Variants in MTOR observed in about 807,000 individuals in gnomAD.
The protein encoded by MTOR is mechanistic target of rapamycin kinase, also known as serine/threonine-protein kinase mTOR.
In MTOR, 70 loss-of-function variants were observed where a neutral mutation model predicts 319.8. The observed-to-expected ratio is 0.22, with a 90% confidence interval of 0.18 to 0.27. The LOEUF is 0.27. Ranked by LOEUF, MTOR falls within the 10% of genes least tolerant of loss-of-function variation. MTOR has a pLI of 1.00. For missense variants in MTOR, 1,890 were observed against 3,274.4 expected (o/e 0.58, Z 10.32); for synonymous variants, 1,183 against 1,211.4 (o/e 0.98, Z 0.49).
At chr1:11,243,619 T>C (rs769380613) in intron 8 of MTOR, among the ~76,000 whole-genome samples, 26 of 150,908 alleles carry the variant, frequency 1.7e-4, no homozygotes, top group Non-Finnish European at 2.8e-4. Context: ...GCCCAGATGG[T>C]TGAGGCTGCA....
chr1:11,239,776 G>A (rs942035417), intron 11 of MTOR, among the ~76,000 whole-genome samples: 29 of 151,990 alleles, frequency 1.9e-4, no homozygotes, highest in African/African-American at 5.3e-4. Flanking sequence ...GTGGTGACAC[G>A]CGCCTATAGT....
rs149505126 is a variant in MTOR, at chr1:11,145,170, C to A, written c.4687-125G>T. On this transcript the variant is annotated intron_variant, in intron 32 of 57. Coordinates refer to ENST00000361445, the MANE Select transcript of MTOR (RefSeq NM_004958.4). ...AATTCCAGGGATGAAAAGAGAAATT[C>A]GCTGAAGAAGGGCATTTTCCCAGAA... The A allele has an allele frequency of 4.9e-6, 4 of 821,028 alleles. No individual in the cohort carries two copies. In the African/African-American group the frequency reaches 5.1e-5, roughly 11 times the overall value. 50.9% of individuals were successfully genotyped at this position (821,028 alleles called of 1,614,324 possible).
At chr1:11,126,116 C>T (rs937632709) in intron 46 of MTOR, among the ~76,000 whole-genome samples, 4 of 151,536 alleles carry the variant, frequency 2.6e-5, no homozygotes, top group African/African-American at 7.3e-5. Context: ...ACTAAAACAT[C>T]CCCCATAAGT....
intron 53 of MTOR, among the ~76,000 whole-genome samples, chr1:11,113,784 G>A (rs1346420291): frequency 2.0e-5 from 3 of 151,868 alleles, no homozygotes; most frequent in African/African-American, 4.8e-5. Context: ...ACCTTAATAT[G>A]GTTTGGCTGT....
intron 2 of MTOR, 131 bp from the exon 3 acceptor site, chr1:11,258,724 G>A: frequency 1.6e-6 from 1 of 629,800 alleles, no homozygotes; most frequent in Non-Finnish European, 2.8e-6. Flanking sequence ...ACAAGTTACT[G>A]CCCATTTCTA....
At chr1:11,171,293 T>A (rs1040012973) in intron 28 of MTOR, among the ~76,000 whole-genome samples, 1 of 152,040 alleles carries the variant, frequency 6.6e-6, no homozygotes, top group Non-Finnish European at 1.5e-5. Flanking sequence ...CTTTCTTTCT[T>A]TTTTAAAGAG....
chr1:11,194,649 G>A (rs1645708235), intron 28 of MTOR: 1 of 1,614,166 alleles, frequency 6.2e-7, no homozygotes. Context: ...AGTGTGCACA[G>A]CTCCGCAAAG....
chr1:11,174,411 TCA>T lies in MTOR; in HGVS notation c.4254-6896_4254-6895del, dbSNP rs539389312. Among the ~76,000 whole-genome samples the T allele has an allele frequency of 2.8e-3, 422 of 152,278 alleles. 1 individual carries two copies. Among genetic ancestry groups the T allele is most frequent in the Middle Eastern group, 6.8e-3 (2 of 294 alleles). ...CCTCTCTTACTCCCAAGCTCCCATC[TCA>T]CATTTTTTATTTCCTTCCAGAAGCT... is the stretch of plus-strand genomic sequence containing the variant. On this transcript the variant is annotated intron_variant, in intron 28 of 57. Coordinates refer to ENST00000361445, the MANE Select transcript of MTOR (RefSeq NM_004958.4).
chr1:11,166,118 C>T (rs1214459206), intron 29 of MTOR, among the ~76,000 whole-genome samples: 6 of 152,158 alleles, frequency 3.9e-5, no homozygotes, highest in South Asian at 2.1e-4. Context: ...GACTTAACAA[C>T]GTTAGACCTA....
At chr1:11,239,902 C>CA (rs36052220) in intron 11 of MTOR, among the ~76,000 whole-genome samples, 5,510 of 121,836 alleles carry the variant, frequency 0.045, 321 homozygotes, top group African/African-American at 0.17. Flanking sequence ...GACTTTGTCT[C>CA]AAAAAAAAAA....
chr1:11,144,610 G>A (rs2100504961), intron 34 of MTOR, 38 bp downstream of exon 34: 3 of 1,586,954 alleles, frequency 1.9e-6, no homozygotes, highest in Non-Finnish European at 2.6e-6. Flanking sequence ...GAAGGGGTAG[G>A]GGTAGGTGGG....
rs575159684 is a variant in MTOR at position 11,226,520 on chromosome 1, G to A, written c.3030+2148C>T. ...TTAACATGGAAGTAGGCCGGGTACA[G>A]TGGCTCACTCCTGTAATTCCAGTGC... is the stretch of plus-strand genomic sequence containing the variant. On this transcript the variant is annotated intron_variant, in intron 19 of 57. Coordinates refer to ENST00000361445, the MANE Select transcript of MTOR (RefSeq NM_004958.4). Among the ~76,000 whole-genome samples, 3 of 152,270 alleles carry A rather than the reference G, an allele frequency of 2.0e-5. No homozygotes were observed. In the South Asian group the frequency reaches 6.2e-4, roughly 32 times the overall value.
chr1:11,117,124 A>G (rs750666608), intron 49 of MTOR, 38 bp from the exon 50 acceptor site: 1 of 1,501,026 alleles, frequency 6.7e-7, no homozygotes, highest in South Asian at 1.2e-5. Flanking sequence ...CGGTTCTGGA[A>G]ACTTTAATTT....
At chr1:11,217,353 G>A (rs572374627) in intron 19 of MTOR, among the ~76,000 whole-genome samples, 57 of 151,906 alleles carry the variant, frequency 3.8e-4, no homozygotes, top group African/African-American at 1.3e-3. Flanking sequence ...AGTATTACAC[G>A]CCAGTAATAA....
rs768154676 is a variant in MTOR, at chr1:11,237,889, A to G, written c.2162T>C (p.Met721Thr). The G allele has an allele frequency of 6.2e-7, 1 of 1,614,156 alleles. No homozygotes were observed. Among genetic ancestry groups the G allele is most frequent in the Admixed American group, 1.7e-5 (1 of 60,018 alleles). Residue 721 changes from methionine (M) to threonine (T), a missense_variant, in exon 13 of 58, where the codon ATG becomes ACG. Physicochemically the swap from Met to Thr is moderately conservative, Grantham distance 81. This residue lies in a region of MTOR where 377 missense variants were observed against 653.9 expected (regional missense o/e 0.58). Transcript: ENST00000361445. Reference protein sequence around the residue: ...AICTVGRLSSMNPAFVMPFLR... With the variant: ...AICTVGRLSSTNPAFVMPFLR... ...GAAAGGCATGACAAAGGCAGGGTTC[A>G]TGCTACTGAGTCGGCCCACAGTGCA...
At chr1:11,126,425 A>G (rs1642840814) in intron 46 of MTOR, among the ~76,000 whole-genome samples, 197 bp downstream of exon 46, 1 of 152,088 alleles carries the variant, frequency 6.6e-6, no homozygotes, top group Admixed American at 6.5e-5. Flanking sequence ...CATAAGCCCA[A>G]CTACATGAAT....
intron 19 of MTOR, 118 bp downstream of exon 19, chr1:11,228,546 GGGGA>G (rs1437356928): frequency 7.5e-7 from 1 of 1,326,950 alleles, no homozygotes; most frequent in East Asian, 2.3e-5. Flanking sequence ...GGGAGTTAAG[GGGGA>G]GGAAGGCATT....
In MTOR at chr1:11,257,055, T is replaced by C; in HGVS notation, c.382A>G (p.Lys128Glu). The change falls in exon 4 of 58, where the codon AAG becomes GAG. Residue 128 changes from lysine (K) to glutamate (E), a missense_variant. Coordinates refer to ENST00000361445, the MANE Select transcript of MTOR (RefSeq NM_004958.4). ...GCCATGGCAAGACGGCCAATGGCCT[T>C]GGATGCCATTTCCATGACAACTGGG... ...NDPVVMEMAS[K>E]AIGRLAMAGD... is the part of the protein sequence containing the mutation. 1 of 1,614,156 alleles carries C rather than the reference T, an allele frequency of 6.2e-7. No homozygotes were observed.
intron 28 of MTOR, among the ~76,000 whole-genome samples, chr1:11,178,771 C>G (rs1645063172): frequency 6.6e-6 from 1 of 152,202 alleles, no homozygotes; most frequent in African/African-American, 2.4e-5. Flanking sequence ...GTTCATCTCT[C>G]TTGACTCAAA....
Sources: gnomAD v4.1 joint callset for allele counts (sites outside exome capture counted in the v4.1 genomes callset) on GRCh38, gnomAD v4.1.1 for gene constraint, gnomAD v4.1.1 regional missense constraint, MANE v1.5 for transcripts, NCBI Gene and HGNC (gene_info 2026-07-23, HGNC 2026-07-21) for gene names.